The following SBNO1 variants were observed in gnomAD, a reference collection of about 807,000 sequenced individuals.
The protein encoded by SBNO1 is protein strawberry notch homolog 1.
A neutral mutation model predicts 173.6 loss-of-function variants in SBNO1; 23 were observed. The observed-to-expected ratio is 0.13, with a 90% CI of 0.10 to 0.19. The LOEUF is 0.19. SBNO1 is among the 10% of genes least tolerant of loss of function. The pLI is 1.00. For synonymous variants in SBNO1, 632 were observed against 571.5 expected (o/e 1.11, Z -1.51); for missense variants, 1,238 against 1,671.2 (o/e 0.74, Z 4.52).
At chr12:123,352,838 C>T (rs1390714002) in intron 1 of SBNO1, among the ~76,000 whole-genome samples, 1 of 152,118 alleles carries the variant, frequency 6.6e-6, no homozygotes, top group Non-Finnish European at 1.5e-5. Flanking sequence ...AGCTCTGTCA[C>T]CCAGGCTGGA....
Position 123,359,691 on chromosome 12 carries a change from A to G in SBNO1, c.-1+5010T>C, listed in dbSNP as rs367910572. On this transcript the variant is annotated intron_variant, in intron 1 of 31. Transcript: ENST00000602398. ...TCTGATCTATATATTGCCTCCCAAT[A>G]AATAAGTTAATTTGATAGGTTTCAT... 3.9e-5 allele frequency among the ~76,000 whole-genome samples: 6 copies of G among 152,306 alleles called. No homozygotes were observed. In the South Asian group the frequency reaches 6.2e-4, roughly 16 times the overall value.
At chr12:123,310,634 A>C (rs538503238) in intron 25 of SBNO1, among the ~76,000 whole-genome samples, 9 of 151,966 alleles carry the variant, frequency 5.9e-5, no homozygotes, top group Non-Finnish European at 1.2e-4. Flanking sequence ...TCGCGGGTTC[A>C]AGTAATTCTC....
chr12:123,362,524 G>C (rs907784723), intron 1 of SBNO1, among the ~76,000 whole-genome samples: 2 of 149,770 alleles, frequency 1.3e-5, no homozygotes, highest in Admixed American at 1.3e-4. Context: ...CCAGCACTCC[G>C]GGAGACAGAG....
At chr12:123,299,681 CAAAAAA>C (rs538218167) in intron 30 of SBNO1, among the ~76,000 whole-genome samples, 9 of 93,892 alleles carry the variant, frequency 9.6e-5, no homozygotes, top group Admixed American at 2.6e-4. Flanking sequence ...ACTCTGTCTT[CAAAAAA>C]AAAAAAAAAA....
rs1873421366 is a variant in SBNO1 at position 123,348,044 on chromosome 12, T to C, written c.222A>G (p.Ala74=). The change falls in exon 3 of 32, where the codon GCA becomes GCG. Residue 74 remains alanine (A), a synonymous_variant. Coordinates refer to ENST00000602398, the MANE Select transcript of SBNO1 (RefSeq NM_001167856.3). ...TCATTCTTACCCTCACATTTAATAG[T>C]GCTGGAGTAGGTACAGTCTCTGGTT... ...KQEPETVPTP[A]LLNVRQQPPS... is the part of the protein sequence containing the mutation. The C allele has an allele frequency of 1.2e-6, 2 of 1,601,126 alleles. No homozygotes were observed. Among genetic ancestry groups the C allele is most frequent in the Admixed American group, 3.3e-5 (2 of 59,868 alleles).
chr12:123,308,014 G>A (rs1252964901), intron 28 of SBNO1, among the ~76,000 whole-genome samples: 4 of 152,196 alleles, frequency 2.6e-5, no homozygotes, highest in Admixed American at 1.3e-4. Flanking sequence ...GGAGGTTGCA[G>A]TAAGCCAAGA....
intron 1 of SBNO1, among the ~76,000 whole-genome samples, chr12:123,359,236 T>C (rs1030155383): frequency 2.1e-5 from 3 of 145,114 alleles, no homozygotes; most frequent in Non-Finnish European, 4.5e-5. Flanking sequence ...CCCAGCCTAC[T>C]GTATCAGCAT....
chr12:123,363,865 G>A (rs984229883), intron 1 of SBNO1: 54 of 985,408 alleles, frequency 5.5e-5, no homozygotes, highest in East Asian at 1.1e-4. Context: ...TGGATGCCAG[G>A]GTCAGGAAAG....
Position 123,329,021 on chromosome 12 carries a change from G to A in SBNO1, c.1135-126C>T, listed in dbSNP as rs775325320. On this transcript the variant is annotated intron_variant, in intron 9 of 31. Coordinates refer to ENST00000602398, the MANE Select transcript of SBNO1 (RefSeq NM_001167856.3). ...ATGACAGGCTTCAGAAAACATAAAA[G>A]TACAGAGACGCAAATTTATTTGTAT... 9.2e-6 allele frequency: 5 copies of A among 541,456 alleles called. No individual in the cohort carries two copies. The East Asian group carries it at 1.5e-4, about 16-fold the overall frequency. The allele number at this position is 541,456 out of a possible 1,614,324, so 33.5% of individuals were successfully genotyped here.
chr12:123,320,421 G>A lies in SBNO1; in HGVS notation c.2667+11C>T. 6.2e-7 allele frequency: 1 copy of A among 1,609,006 alleles called. No homozygotes were observed. Among genetic ancestry groups the A allele is most frequent in the African/African-American group, 1.3e-5 (1 of 74,760 alleles). On this transcript the variant is annotated intron_variant, in intron 19 of 31. Transcript: ENST00000602398. ...GGCAAAAATGTCACCAAGAGATACA[G>A]GCCTATTTACCTCAGCAACGTTCTC...
At chr12:123,344,543 C>T (rs1287194947) in intron 4 of SBNO1, among the ~76,000 whole-genome samples, 2 of 152,130 alleles carry the variant, frequency 1.3e-5, no homozygotes, top group Admixed American at 1.3e-4. Context: ...TCTTAGCCCT[C>T]TATTTCATAA....
At chr12:123,342,573 A>C (rs1238565078) in intron 4 of SBNO1, among the ~76,000 whole-genome samples, 1 of 152,238 alleles carries the variant, frequency 6.6e-6, no homozygotes, top group East Asian at 1.9e-4. Context: ...AAGAAAAATC[A>C]ATTTGGGAAC....
At chr12:123,316,517 C>T (rs896085268) in intron 21 of SBNO1, among the ~76,000 whole-genome samples, 1 of 151,974 alleles carries the variant, frequency 6.6e-6, no homozygotes, top group Non-Finnish European at 1.5e-5. Context: ...AGCCGCTGCG[C>T]CCAGCCTGTT....
At chr12:123,297,709 G>A (rs531676837) in intron 31 of SBNO1, among the ~76,000 whole-genome samples, 16 of 152,228 alleles carry the variant, frequency 1.1e-4, no homozygotes, top group Admixed American at 6.6e-5. Flanking sequence ...CAGGGAGCCT[G>A]CACAGCCACC....
intron 31 of SBNO1, among the ~76,000 whole-genome samples, chr12:123,297,422 A>AAAAAAAAAAAAAAAAAAAAAT (rs1555243597): frequency 1.3e-4 from 20 of 148,176 alleles, no homozygotes; most frequent in Non-Finnish European, 2.2e-4. Context: ...AAAAAAAAAA[A>AAAAAAAAAAAAAAAAAAAAAT]TTCCATAGAC....
At chr12:123,321,160 A>G (rs1869925078) in intron 17 of SBNO1, among the ~76,000 whole-genome samples, 1 of 152,104 alleles carries the variant, frequency 6.6e-6, no homozygotes, top group African/African-American at 2.4e-5. Context: ...GCTGATCTCG[A>G]ACTCCCAGCC....
chr12:123,317,432 A>G, intron 20 of SBNO1, 76 bp from the exon 21 acceptor site: 3 of 1,288,058 alleles, frequency 2.3e-6, no homozygotes, highest in Non-Finnish European at 3.3e-6. Flanking sequence ...GAAGTCCTTC[A>G]GCAGACTGCC....
chr12:123,309,233 AAAGTG>A, intron 28 of SBNO1, 72 bp downstream of exon 28: 1 of 1,050,282 alleles, frequency 9.5e-7, no homozygotes, highest in South Asian at 1.3e-5. Flanking sequence ...AAACAGGTAC[AAAGTG>A]AAGAGACAAT....
chr12:123,299,694 A>AAAAAAAAAAAAAAAAAG (rs2048722367), intron 30 of SBNO1, among the ~76,000 whole-genome samples: 1 of 150,714 alleles, frequency 6.6e-6, no homozygotes, highest in Non-Finnish European at 1.5e-5. Context: ...AAAAAAAAAA[A>AAAAAAAAAAAAAAAAAG]AAAAACAAAA....
Sources: gnomAD v4.1 joint callset for allele counts (sites outside exome capture counted in the v4.1 genomes callset) on GRCh38, gnomAD v4.1.1 for gene constraint, MANE v1.5 for transcripts, NCBI Gene and HGNC (gene_info 2026-07-23, HGNC 2026-07-21) for gene names.